Variants in GPC6 observed in about 807,000 individuals in gnomAD.
GPC6 encodes glypican 6.
Under a neutral mutation model 55.2 loss-of-function variants are expected in GPC6, and 14 were observed. The observed-to-expected ratio is 0.25, with a 90% confidence interval of 0.17 to 0.40. The LOEUF is 0.40. Among genes scored for constraint, GPC6 ranks in the 10% least tolerant of loss-of-function variants. The pLI, the probability that GPC6 is intolerant of heterozygous loss-of-function variation, is 1.00. For missense variants in GPC6, 641 were observed against 708.5 expected (o/e 0.90, Z 1.08); for synonymous variants, 278 against 259.6 (o/e 1.07, Z -0.68).
At chr13:94,195,723 C>G (rs2138968589) in intron 4 of GPC6, among the ~76,000 whole-genome samples, 2 of 152,306 alleles carry the variant, frequency 1.3e-5, no homozygotes, top group South Asian at 4.1e-4. Context: ...AATGTGGCTC[C>G]TGCCACACAG....
chr13:94,053,216 A>G lies in GPC6; in HGVS notation c.877+25322A>G, dbSNP rs74111425. Among the ~76,000 whole-genome samples, 1,292 of 152,262 alleles carry G rather than the reference A, an allele frequency of 8.5e-3. 18 individuals are homozygous for G. Among genetic ancestry groups the G allele is most frequent in the African/African-American group, 0.029 (1,214 of 41,570 alleles). ...AACTCTGGAATGACTTTCGGGGGAT[A>G]CGTGATGAAAGTAGCGTGTTTTTCT... On this transcript the variant is annotated intron_variant, in intron 4 of 8. Transcript: ENST00000377047.
chr13:93,978,490 T>C (rs1880624696), intron 3 of GPC6, among the ~76,000 whole-genome samples: 1 of 152,198 alleles, frequency 6.6e-6, no homozygotes, highest in South Asian at 2.1e-4. Context: ...TAACCAATAC[T>C]GAGATAGGAA....
intron 3 of GPC6, among the ~76,000 whole-genome samples, chr13:93,945,574 C>T (rs1878967031): frequency 6.6e-6 from 1 of 152,074 alleles, no homozygotes; most frequent in Admixed American, 6.5e-5. Flanking sequence ...TCCTGAGTTG[C>T]AAACAGAGAC....
chr13:94,383,832 C>T (rs1429446545), intron 7 of GPC6, among the ~76,000 whole-genome samples: 1 of 152,162 alleles, frequency 6.6e-6, no homozygotes, highest in African/African-American at 2.4e-5. Flanking sequence ...CCTCAGGAAA[C>T]TTACAATCAT....
rs141689117 is a variant in GPC6 at position 93,657,382 on chromosome 13, A to T, written c.319+111961A>T. Among the ~76,000 whole-genome samples, 417 of 152,306 alleles carry T rather than the reference A, an allele frequency of 2.7e-3. 2 individuals carry two copies. The highest frequency in any genetic ancestry group is 9.8e-3 in the African/African-American group (407 of 41,580). ...TTTCTATTCAATAAATAATGCTGAG[A>T]TAACCAGCTAGCCATATGCAGAAGA... is the stretch of plus-strand genomic sequence containing the variant. On this transcript the variant is annotated intron_variant, in intron 2 of 8. Coordinates refer to ENST00000377047, the MANE Select transcript of GPC6 (RefSeq NM_005708.5).
At chr13:94,182,729 T>A (rs111384712) in intron 4 of GPC6, among the ~76,000 whole-genome samples, 1 of 152,222 alleles carries the variant, frequency 6.6e-6, no homozygotes, top group African/African-American at 2.4e-5. Context: ...TTTACTTTTT[T>A]AATTGTGGCA....
At chr13:94,180,002 G>A (rs1323203891) in intron 4 of GPC6, among the ~76,000 whole-genome samples, 2 of 152,192 alleles carry the variant, frequency 1.3e-5, no homozygotes, top group Non-Finnish European at 2.9e-5. Context: ...ACTCAATAGT[G>A]AGATGAGTGA....
At chr13:93,883,655 GT>G (rs1393544944) in intron 3 of GPC6, among the ~76,000 whole-genome samples, 1 of 151,834 alleles carries the variant, frequency 6.6e-6, no homozygotes. Context: ...GAGATTCTTT[GT>G]TTTTTTCTTT....
In GPC6 at chr13:94,333,591, A is replaced by C. The variant is rs143383412; in HGVS notation, c.1152+27468A>C. On this transcript the variant is annotated intron_variant, in intron 6 of 8. Transcript: ENST00000377047. ...AATTAGTAAATGAAATGTGTAAGAC[A>C]TTGGGCAGTTTTGCAATGCACTTCA... is the stretch of plus-strand genomic sequence containing the variant. 4.8e-3 allele frequency among the ~76,000 whole-genome samples: 725 copies of C among 152,316 alleles called. 7 individuals are homozygous for C. Among genetic ancestry groups the C allele is most frequent in the African/African-American group, 0.016 (685 of 41,562 alleles).
chr13:94,107,542 A>G (rs1317417741), intron 4 of GPC6, among the ~76,000 whole-genome samples: 2 of 150,198 alleles, frequency 1.3e-5, no homozygotes, highest in Non-Finnish European at 3.0e-5. Context: ...CAGGCAAGAC[A>G]TTTCACCAAC....
chr13:93,888,389 T>A (rs1190688051), intron 3 of GPC6, among the ~76,000 whole-genome samples: 1 of 152,214 alleles, frequency 6.6e-6, no homozygotes, highest in African/African-American at 2.4e-5. Context: ...ACAGATATGA[T>A]GCCTCTTGGC....
intron 7 of GPC6, among the ~76,000 whole-genome samples, chr13:94,397,435 T>G (rs936801609): frequency 6.6e-6 from 1 of 152,162 alleles, no homozygotes; most frequent in Non-Finnish European, 1.5e-5. Context: ...GGGAAAGAAA[T>G]GTGAAACTCA....
intron 2 of GPC6, among the ~76,000 whole-genome samples, chr13:93,707,044 T>A (rs1396127561): frequency 6.6e-6 from 1 of 151,846 alleles, no homozygotes; most frequent in Non-Finnish European, 1.5e-5. Flanking sequence ...GCTTTTGTTC[T>A]CTATTTCCTC....
rs1880155213 is a variant in GPC6, at chr13:93,339,336, C to T, written c.160+111720C>T. On this transcript the variant is annotated intron_variant, in intron 1 of 8. Coordinates refer to ENST00000377047, the MANE Select transcript of GPC6 (RefSeq NM_005708.5). ...ACCTCTCATGATCATGGCTCTCCTTCTCTGTATTTTCTGTGTGTAGAAATA... is the reference window on the plus strand; with the variant it reads ...ACCTCTCATGATCATGGCTCTCCTTTTCTGTATTTTCTGTGTGTAGAAATA... Among the ~76,000 whole-genome samples, 3 of 150,268 alleles carry T rather than the reference C, an allele frequency of 2.0e-5. No homozygotes were observed. The South Asian group carries it at 6.3e-4, about 31-fold the overall frequency.
intron 4 of GPC6, among the ~76,000 whole-genome samples, chr13:94,150,162 G>T (rs1213165274): frequency 6.6e-6 from 1 of 151,994 alleles, no homozygotes; most frequent in African/African-American, 2.4e-5. Flanking sequence ...GCATCCAGGT[G>T]CCCTCTTCCC....
At chr13:94,369,713 T>A (rs550727950) in intron 6 of GPC6, among the ~76,000 whole-genome samples, 1 of 152,164 alleles carries the variant, frequency 6.6e-6, no homozygotes, top group African/African-American at 2.4e-5. Context: ...GAATCCTAAT[T>A]AGAAGATTGG....
At chr13:93,389,847 TG>T in intron 1 of GPC6, among the ~76,000 whole-genome samples, 1 of 152,268 alleles carries the variant, frequency 6.6e-6, no homozygotes, top group East Asian at 1.9e-4. Flanking sequence ...AGGATGGGAA[TG>T]TTTTTTACAT....
At chr13:93,789,327 A>G (rs1021413512) in intron 2 of GPC6, among the ~76,000 whole-genome samples, 5 of 151,674 alleles carry the variant, frequency 3.3e-5, no homozygotes, top group Non-Finnish European at 5.9e-5. Flanking sequence ...TCCTATGTAT[A>G]TACCTGATCC....
At chr13:94,202,296 G>C (rs925981301) in intron 4 of GPC6, among the ~76,000 whole-genome samples, 2 of 152,176 alleles carry the variant, frequency 1.3e-5, no homozygotes, top group Non-Finnish European at 2.9e-5. Context: ...TAAGATGCTT[G>C]TGGTACTCTG....
Sources: gnomAD v4.1 joint callset for allele counts (sites outside exome capture counted in the v4.1 genomes callset) on GRCh38, gnomAD v4.1.1 for gene constraint, MANE v1.5 for transcripts, NCBI Gene and HGNC (gene_info 2026-07-23, HGNC 2026-07-21) for gene names.